The following MTMR2 variants were observed in gnomAD, a reference collection of about 807,000 sequenced individuals.
The protein encoded by MTMR2 is myotubularin related protein 2.
A neutral mutation model predicts 86.9 loss-of-function variants in MTMR2; 55 were observed. The ratio of observed to expected loss-of-function variants is 0.63; its 90% CI spans 0.51 to 0.79. MTMR2 has a LOEUF of 0.79. MTMR2 is among the 30% of genes least tolerant of loss of function. The pLI is 0.00. For synonymous variants in MTMR2, 241 were observed against 266.8 expected, an observed-to-expected ratio of 0.90 and a Z score of 0.94; for missense variants, 659 against 772.3, an observed-to-expected ratio of 0.85 and a Z score of 1.74.
At chr11:95,856,503 G>A (rs774647373) in intron 7 of MTMR2, among the ~76,000 whole-genome samples, 4 of 149,382 alleles carry the variant, frequency 2.7e-5, no homozygotes, top group African/African-American at 9.9e-5. Context: ...CTCTCCATTA[G>A]ACCTTTTAGT....
rs567126915 is a variant in MTMR2, at chr11:95,923,173, G to A, written c.80+702C>T. 2.6e-5 allele frequency among the ~76,000 whole-genome samples: 4 copies of A among 152,252 alleles called. No individual in the cohort carries two copies. The East Asian group carries it at 5.8e-4, about 22-fold the overall frequency. On this transcript the variant is annotated intron_variant, in intron 1 of 14. Coordinates refer to ENST00000346299, the MANE Select transcript of MTMR2 (RefSeq NM_016156.6). ...GATAAAATTCCCATCTGTTACAAGA[G>A]AAATGACAACGTGGAGAACCAGTAG...
intron 13 of MTMR2, among the ~76,000 whole-genome samples, chr11:95,837,348 G>C (rs1457799571): frequency 6.6e-6 from 1 of 151,912 alleles, no homozygotes; most frequent in Non-Finnish European, 1.5e-5. Flanking sequence ...CCAGCAACTG[G>C]GCTTCAGTGC....
intron 1 of MTMR2, among the ~76,000 whole-genome samples, chr11:95,912,086 G>GT (rs1358741446): frequency 1.0e-4 from 4 of 39,014 alleles, no homozygotes; most frequent in African/African-American, 2.8e-4. Context: ...AACACAGGTG[G>GT]GTTTTTTTTT....
chr11:95,911,070 T>TA lies in MTMR2; in HGVS notation c.80+12804dup, dbSNP rs1171271650. ...CATTAAACTTAGCCAATTCATAAGA[T>TA]AAAAACGATTATATAAATGATCATC... On this transcript the variant is annotated intron_variant, in intron 1 of 14. Transcript: ENST00000346299. Among the ~76,000 whole-genome samples, 87 of 152,202 alleles carry TA rather than the reference T, an allele frequency of 5.7e-4. 1 individual carries two copies. In the Middle Eastern group the frequency reaches 0.014, roughly 24 times the overall value.
Position 95,924,020 on chromosome 11 carries a change from G to C in MTMR2, c.-66C>G, listed in dbSNP as rs978385929. The C allele has an allele frequency of 6.5e-7, 1 of 1,541,176 alleles. No homozygotes were observed. ...TCGCGGCTACAGGGCGGGAGAAGCG[G>C]AGGGCGGAGTGCTACGGACCGGGGC... On this transcript the variant is annotated 5_prime_UTR_variant, in exon 1 of 15. Transcript: ENST00000346299.
At chr11:95,904,264 C>T (rs903616663) in intron 1 of MTMR2, among the ~76,000 whole-genome samples, 3 of 152,180 alleles carry the variant, frequency 2.0e-5, no homozygotes, top group Admixed American at 6.6e-5. Flanking sequence ...TACTCAATCT[C>T]GCTAATCAGC....
chr11:95,863,033 T>G (rs1864482323), intron 3 of MTMR2, among the ~76,000 whole-genome samples: 1 of 152,378 alleles, frequency 6.6e-6, no homozygotes, highest in African/African-American at 2.4e-5. Flanking sequence ...CATTATGTTT[T>G]GTAAAATATG....
intron 11 of MTMR2, among the ~76,000 whole-genome samples, chr11:95,844,104 T>C (rs1198587549): frequency 7.2e-5 from 11 of 152,168 alleles, no homozygotes; most frequent in Admixed American, 5.9e-4. Flanking sequence ...TAGGAATCCA[T>C]AGCAACTTCG....
At chr11:95,895,130 T>C (rs546648048) in intron 1 of MTMR2, among the ~76,000 whole-genome samples, 1 of 144,434 alleles carries the variant, frequency 6.9e-6, no homozygotes, top group South Asian at 2.2e-4. Context: ...ATATCAATAA[T>C]ACCATGAGAG....
intron 1 of MTMR2, among the ~76,000 whole-genome samples, chr11:95,920,631 G>C (rs1404445422): frequency 1.3e-5 from 2 of 151,844 alleles, no homozygotes; most frequent in Non-Finnish European, 2.9e-5. Context: ...CTGGAGACAA[G>C]AGAACTCTGA....
At chr11:95,893,091 C>T (rs1016331084) in intron 1 of MTMR2, among the ~76,000 whole-genome samples, 10 of 152,078 alleles carry the variant, frequency 6.6e-5, no homozygotes. Flanking sequence ...CACCCATCCT[C>T]CTCACTCACT....
intron 13 of MTMR2, among the ~76,000 whole-genome samples, chr11:95,837,210 G>A (rs1242149232): frequency 1.3e-5 from 2 of 151,882 alleles, no homozygotes; most frequent in African/African-American, 4.8e-5. Flanking sequence ...GGAAGTCTAG[G>A]AAATACTACA....
intron 7 of MTMR2, among the ~76,000 whole-genome samples, chr11:95,853,201 ATGG>A (rs902370314): frequency 1.3e-5 from 2 of 151,440 alleles, no homozygotes; most frequent in Non-Finnish European, 2.9e-5. Context: ...GTTTAAAGAG[ATGG>A]TATTCAACCA....
chr11:95,918,859 C>T (rs925496653), intron 1 of MTMR2, among the ~76,000 whole-genome samples: 6 of 152,090 alleles, frequency 3.9e-5, no homozygotes, highest in Non-Finnish European at 7.4e-5. Context: ...TTTCTTGAGA[C>T]GGGGTCTCAC....
At chr11:95,918,207 G>A (rs1866780399) in intron 1 of MTMR2, among the ~76,000 whole-genome samples, 1 of 152,162 alleles carries the variant, frequency 6.6e-6, no homozygotes, top group Non-Finnish European at 1.5e-5. Context: ...CCAAGGCAGT[G>A]GTTCTCAAAC....
chr11:95,912,922 A>G lies in MTMR2; in HGVS notation c.80+10953T>C, dbSNP rs546766282. 2.0e-5 allele frequency: 3 copies of G among 152,218 alleles called. 1 individual carries two copies. The highest frequency in any genetic ancestry group is 7.2e-5 in the African/African-American group (3 of 41,562). 9.4% of individuals were successfully genotyped at this position (152,218 alleles called of 1,614,324 possible). ...AAGCACCTACTATTTGCAAAACACT[A>G]TAAAATTTGTACCTACTATTTCACT... is the stretch of plus-strand genomic sequence containing the variant. On this transcript the variant is annotated intron_variant, in intron 1 of 14. Coordinates refer to ENST00000346299, the MANE Select transcript of MTMR2 (RefSeq NM_016156.6).
intron 1 of MTMR2, among the ~76,000 whole-genome samples, chr11:95,916,408 G>C (rs997920493): frequency 6.6e-6 from 1 of 152,026 alleles, no homozygotes; most frequent in African/African-American, 2.4e-5. Context: ...CCTTCAAAGA[G>C]AGAGAGTATG....
chr11:95,862,493 CA>C (rs1364567932), intron 3 of MTMR2, 127 bp from the exon 4 acceptor site: 16 of 755,036 alleles, frequency 2.1e-5, no homozygotes, highest in Non-Finnish European at 3.2e-5. Flanking sequence ...CAGTAATTTC[CA>C]GAGACCTCAG....
chr11:95,924,037 GA>G lies in MTMR2; in HGVS notation c.-84del, dbSNP rs948526227. The stretch of plus-strand genomic sequence containing the variant: ...GAGAAGCGGAGGGCGGAGTGCTACG[GA>G]CCGGGGCCGCAGTCAGGCCAGCGCC... On this transcript the variant is annotated 5_prime_UTR_variant, in exon 1 of 15. Coordinates refer to ENST00000346299, the MANE Select transcript of MTMR2 (RefSeq NM_016156.6). The G allele has an allele frequency of 4.4e-5, 67 of 1,517,534 alleles. No individual in the cohort carries two copies. In the African/African-American group the frequency reaches 8.8e-4, roughly 20 times the overall value. 94.0% of individuals were successfully genotyped at this position (1,517,534 alleles called of 1,614,324 possible).
Sources: allele counts gnomAD v4.1 joint callset (sites outside exome capture counted in the v4.1 genomes callset), GRCh38; gene constraint gnomAD v4.1.1; transcripts MANE v1.5; gene names NCBI Gene and HGNC (gene_info 2026-07-23, HGNC 2026-07-21).